Variants in USP9X observed in about 807,000 individuals in gnomAD.
The protein encoded by USP9X is ubiquitin specific peptidase 9 X-linked, also known as ubiquitin carboxyl-terminal hydrolase 9X.
In USP9X, 7 loss-of-function variants were observed where a neutral mutation model predicts 190.3. The ratio of observed to expected loss-of-function variants is 0.04; its 90% CI spans 0.02 to 0.07. The LOEUF (loss-of-function observed/expected upper bound fraction) is 0.07, where lower values mean the gene tolerates loss of function less well. USP9X is among the 10% of genes least tolerant of loss of function. USP9X has a pLI of 1.00. For synonymous variants in USP9X, 645 were observed against 659.5 expected, an observed-to-expected ratio of 0.98 and a Z score of 0.34; for missense variants, 1,010 against 1,916.9, an observed-to-expected ratio of 0.53 and a Z score of 8.83.
Position 41,218,502 on chromosome X carries a change from G to A in USP9X, c.6340G>A (p.Gly2114Ser), listed in dbSNP as rs368731861. The A allele has an allele frequency of 8.3e-7, 1 of 1,209,489 alleles. No homozygotes were observed. Among genetic ancestry groups the A allele is most frequent in the Non-Finnish European group, 1.1e-6 (1 of 895,094 alleles). Residue 2114 changes from glycine to serine, a missense_variant, in exon 37 of 45, where the codon GGT becomes AGT. Gly to Ser is a moderately conservative substitution (Grantham distance 56, BLOSUM62 0). Transcript: ENST00000378308. The part of the protein sequence containing the change: ...LLECPSAEVR[G>S]AFAKLIVFIA... Reference sequence around the variant, plus strand: ...GGAGTGCCCTAGTGCAGAAGTGAGGGGTGCGTTTGCAAAACTTATAGTCTT... The same window carrying A: ...GGAGTGCCCTAGTGCAGAAGTGAGGAGTGCGTTTGCAAAACTTATAGTCTT...
At chrX:41,122,472 G>A (rs1051939247) in intron 1 of USP9X, among the ~76,000 whole-genome samples, 1 of 111,780 alleles carries the variant, frequency 8.9e-6, no homozygotes, top group African/African-American at 3.3e-5. Context: ...GTTCCCTGAC[G>A]CCCTCACAGG....
intron 32 of USP9X, among the ~76,000 whole-genome samples, chrX:41,208,414 C>T (rs1005485866): frequency 8.9e-6 from 1 of 111,939 alleles, no homozygotes; most frequent in African/African-American, 3.2e-5. Context: ...TTCAGTTACT[C>T]GCTGTGCTAG....
chrX:41,093,096 G>A (rs2061965783), intron 1 of USP9X, among the ~76,000 whole-genome samples: 1 of 111,405 alleles, frequency 9.0e-6, no homozygotes, highest in Non-Finnish European at 1.9e-5. Flanking sequence ...CAAACTCCTG[G>A]CCTCAAGCAA....
At chrX:41,099,254 A>G (rs2062018760) in intron 1 of USP9X, among the ~76,000 whole-genome samples, 1 of 108,618 alleles carries the variant, frequency 9.2e-6, no homozygotes. Flanking sequence ...GACGTTTGAG[A>G]TTGTTCAGTG....
intron 2 of USP9X, among the ~76,000 whole-genome samples, chrX:41,127,088 T>G (rs1459198807): frequency 9.0e-6 from 1 of 111,472 alleles, no homozygotes; most frequent in African/African-American, 3.3e-5. Flanking sequence ...AGAAATTGTT[T>G]ATACTGTTCT....
intron 7 of USP9X, 63 bp from the exon 8 acceptor site, chrX:41,140,903 T>C: frequency 1.8e-6 from 2 of 1,105,723 alleles, no homozygotes; most frequent in South Asian, 4.6e-5. Flanking sequence ...ATAAAGAATT[T>C]AGTCCTAAAT....
chrX:41,089,970 C>T (rs758661996), intron 1 of USP9X, among the ~76,000 whole-genome samples: 109 of 84,119 alleles, frequency 1.3e-3, no homozygotes, highest in Non-Finnish European at 2.0e-3. Flanking sequence ...CTGGAGTGGT[C>T]ACGGTTCACT....
chrX:41,089,588 T>C (rs2061938601), intron 1 of USP9X, among the ~76,000 whole-genome samples: 1 of 111,875 alleles, frequency 8.9e-6, no homozygotes. Flanking sequence ...GTAGAAACTA[T>C]GCATTTGTCT....
rs1039171382 is a variant in USP9X at position 41,233,964 on chromosome X, T to C, written c.*1440T>C. The C allele has an allele frequency of 9.0e-6, 1 of 111,502 alleles. No individual in the cohort carries two copies. Among genetic ancestry groups the C allele is most frequent in the South Asian group, 3.7e-4 (1 of 2,692 alleles). The allele number at this position is 111,502 out of a possible 1,213,427, so 9.2% of individuals were successfully genotyped here. A position where few individuals can be genotyped will look rare whatever the true frequency, so the allele number is the denominator to read the frequency against. On this transcript the variant is annotated 3_prime_UTR_variant, in exon 45 of 45. Coordinates refer to ENST00000378308, the MANE Select transcript of USP9X (RefSeq NM_001039591.3). Reference sequence around the variant, plus strand: ...ATTTTATAGAAATTATTTTGCTGAATTCACAAATAGAATTTGATTTAAGAA... The same window carrying C: ...ATTTTATAGAAATTATTTTGCTGAACTCACAAATAGAATTTGATTTAAGAA...
chrX:41,203,911 T>A (rs770912229), intron 31 of USP9X, among the ~76,000 whole-genome samples: 53 of 111,582 alleles, frequency 4.7e-4, no homozygotes, highest in Non-Finnish European at 8.8e-4. Context: ...TTGGCCAGGC[T>A]GGTCTCGAAC....
At chrX:41,089,500 T>G (rs1569142742) in intron 1 of USP9X, among the ~76,000 whole-genome samples, 1 of 112,082 alleles carries the variant, frequency 8.9e-6, no homozygotes, top group Non-Finnish European at 1.9e-5. Flanking sequence ...TCCCCTTCCA[T>G]ATATCTTCCA....
intron 1 of USP9X, among the ~76,000 whole-genome samples, chrX:41,117,017 G>T (rs1215898000): frequency 9.0e-6 from 1 of 111,630 alleles, no homozygotes; most frequent in Non-Finnish European, 1.9e-5. Flanking sequence ...GAGAGATGCA[G>T]CAGAGTATGC....
chrX:41,111,951 T>A (rs1322443972), intron 1 of USP9X, among the ~76,000 whole-genome samples: 1 of 109,618 alleles, frequency 9.1e-6, no homozygotes, highest in Admixed American at 9.7e-5. Context: ...GTTCAAGCAG[T>A]TCTCCTGCCT....
At chrX:41,220,398 G>C (rs1461862948) in intron 38 of USP9X, among the ~76,000 whole-genome samples, 1 of 112,001 alleles carries the variant, frequency 8.9e-6, no homozygotes, top group African/African-American at 3.2e-5. Context: ...ATACTGTAGG[G>C]CCTGTAAACC....
At chrX:41,137,144 A>AC in intron 6 of USP9X, 122 bp downstream of exon 6, 2 of 663,684 alleles carry the variant, frequency 3.0e-6, no homozygotes, top group Non-Finnish European at 4.4e-6. Flanking sequence ...AATACACACA[A>AC]CCAGGAGCCT....
intron 3 of USP9X, among the ~76,000 whole-genome samples, chrX:41,129,643 A>G (rs1231042147): frequency 3.6e-5 from 4 of 112,065 alleles, no homozygotes; most frequent in African/African-American, 1.3e-4. Flanking sequence ...GATTATTTAG[A>G]GGAAACCTCC....
intron 1 of USP9X, among the ~76,000 whole-genome samples, chrX:41,107,087 T>C (rs1012112217): frequency 9.2e-5 from 10 of 109,178 alleles, no homozygotes; most frequent in African/African-American, 3.3e-4. Context: ...GGTTTCACAA[T>C]GTTGGCCAGG....
chrX:41,218,530 T>C lies in USP9X; in HGVS notation c.6368T>C (p.Ile2123Thr). 1 of 1,211,856 alleles carries C rather than the reference T, an allele frequency of 8.3e-7. No homozygotes were observed. Among genetic ancestry groups the C allele is most frequent in the Non-Finnish European group, 1.1e-6 (1 of 895,608 alleles). ...GCGTTTGCAAAACTTATAGTCTTTA[T>C]TGCACATTTTTCCTTGCAAGATGGG... ...RGAFAKLIVF[I>T]AHFSLQDGPC... The change falls in exon 37 of 45, where the codon ATT becomes ACT. Residue 2123 changes from isoleucine to threonine, a missense_variant. Coordinates refer to ENST00000378308, the MANE Select transcript of USP9X (RefSeq NM_001039591.3).
intron 12 of USP9X, 134 bp from the exon 13 acceptor site, chrX:41,150,787 A>ACTGTAATTACAACATGATGCTTGTATTG (rs2062517753): frequency 3.1e-6 from 2 of 644,401 alleles, no homozygotes; most frequent in East Asian, 7.8e-5. Flanking sequence ...TAAACTCTTT[A>ACTGTAATTACAACATGATGCTTGTATTG]CTGTAATTAC....
Sources: allele counts gnomAD v4.1 joint callset (sites outside exome capture counted in the v4.1 genomes callset), GRCh38; gene constraint gnomAD v4.1.1; transcripts MANE v1.5; gene names NCBI Gene and HGNC (gene_info 2026-07-23, HGNC 2026-07-21).